The following NTM variants were observed in gnomAD, a reference collection of about 807,000 sequenced individuals.
NTM encodes the protein IgLON family member 2.
In NTM, 13 loss-of-function variants were observed where a neutral mutation model predicts 42.1. That is an observed-to-expected ratio of 0.31 (90% CI 0.20 to 0.49). NTM has a LOEUF of 0.49. Ranked by LOEUF, NTM falls within the 20% of genes least tolerant of loss-of-function variation. NTM has a pLI of 0.99. For missense variants in NTM, 373 were observed against 452.8 expected, an observed-to-expected ratio of 0.82 and a Z score of 1.60; for synonymous variants, 187 against 179.2, an observed-to-expected ratio of 1.04 and a Z score of -0.35.
intron 1 of NTM, among the ~76,000 whole-genome samples, chr11:131,674,973 C>T (rs1274659898): frequency 6.6e-6 from 1 of 152,166 alleles, no homozygotes; most frequent in Non-Finnish European, 1.5e-5. Context: ...AGATGGATTC[C>T]AAAGTCCCAT....
intron 1 of NTM, 85 bp downstream of exon 1, chr11:131,370,973 C>T: frequency 6.3e-7 from 1 of 1,577,288 alleles, no homozygotes; most frequent in African/African-American, 1.4e-5. Context: ...CCCGAGTCGG[C>T]TGTGCTGCGC....
intron 4 of NTM, among the ~76,000 whole-genome samples, chr11:132,248,053 G>T (rs2091429803): frequency 6.6e-6 from 1 of 152,144 alleles, no homozygotes; most frequent in Non-Finnish European, 1.5e-5. Flanking sequence ...GGGAGAAAAT[G>T]GAGAAATTAG....
Position 131,789,441 on chromosome 11 carries a change from A to G in NTM, c.83-122123A>G, listed in dbSNP as rs1352931942. Among the ~76,000 whole-genome samples the G allele has an allele frequency of 1.0e-3, 10 of 9,866 alleles. 1 individual carries two copies. The highest frequency in any genetic ancestry group is 3.1e-3 in the African/African-American group (8 of 2,576). The allele number at this position is 9,866 out of a possible 152,430, so 6.5% of individuals were successfully genotyped here. On this transcript the variant is annotated intron_variant, in intron 1 of 8. Transcript: ENST00000683400. ...AAAAAAAGAAGAAGGAAGAAGAAGA[A>G]GAAGAAGAAGAAGAAGAAGAAGAAG...
At chr11:131,589,089 G>T (rs2059131880) in intron 1 of NTM, among the ~76,000 whole-genome samples, 1 of 152,034 alleles carries the variant, frequency 6.6e-6, no homozygotes, top group Admixed American at 6.5e-5. Context: ...GAGAAGACAG[G>T]TGGCATGATA....
intron 3 of NTM, among the ~76,000 whole-genome samples, chr11:132,187,214 CGTGTGTGTGTGTGTGTGTGT>C (rs55849086): frequency 6.7e-6 from 1 of 148,344 alleles, no homozygotes; most frequent in African/African-American, 2.5e-5. Flanking sequence ...GCTCAGATGG[CGTGTGTGTGTGTGTGTGTGT>C]GTGTGTGTGT....
chr11:132,031,299 C>G (rs2075885791), intron 2 of NTM, among the ~76,000 whole-genome samples: 1 of 152,176 alleles, frequency 6.6e-6, no homozygotes, highest in South Asian at 2.1e-4. Context: ...ATTGATCTGA[C>G]AAGTGACTTG....
At chr11:131,767,638 A>G (rs765007347) in intron 1 of NTM, among the ~76,000 whole-genome samples, 9 of 152,134 alleles carry the variant, frequency 5.9e-5, no homozygotes, top group Admixed American at 1.3e-4. Context: ...CAAACCAGGA[A>G]ATGAGTCCTC....
intron 1 of NTM, among the ~76,000 whole-genome samples, chr11:131,572,341 A>G (rs1592089626): frequency 6.6e-6 from 1 of 152,112 alleles, no homozygotes; most frequent in Non-Finnish European, 1.5e-5. Context: ...ACAGAGAACA[A>G]TTTAAGATAT....
intron 1 of NTM, among the ~76,000 whole-genome samples, chr11:131,832,833 T>C (rs866627300): frequency 2.0e-5 from 3 of 152,236 alleles, no homozygotes; most frequent in Non-Finnish European, 4.4e-5. Flanking sequence ...TAAATATATA[T>C]ATAGACAAGG....
chr11:131,921,226 T>C (rs2057176725), intron 2 of NTM, among the ~76,000 whole-genome samples: 1 of 152,194 alleles, frequency 6.6e-6, no homozygotes, highest in African/African-American at 2.4e-5. Context: ...CAGATGTAAT[T>C]AGCTAAGGTG....
chr11:131,707,994 G>T (rs1592646997), intron 1 of NTM, among the ~76,000 whole-genome samples: 1 of 152,064 alleles, frequency 6.6e-6, no homozygotes, highest in Non-Finnish European at 1.5e-5. Context: ...TGTATTGAAG[G>T]GATCTTACAC....
intron 1 of NTM, among the ~76,000 whole-genome samples, chr11:131,638,297 T>C (rs2134195521): frequency 6.6e-6 from 1 of 152,274 alleles, no homozygotes; most frequent in South Asian, 2.1e-4. Flanking sequence ...CAGGGTGTGG[T>C]GGCTCATGTC....
chr11:132,139,838 A>G (rs945542138), intron 2 of NTM, among the ~76,000 whole-genome samples: 1 of 152,292 alleles, frequency 6.6e-6, no homozygotes, highest in Admixed American at 6.5e-5. Context: ...TAATCAGTGG[A>G]CAGATATTTA....
intron 3 of NTM, among the ~76,000 whole-genome samples, chr11:132,197,010 T>A (rs969549209): frequency 6.6e-6 from 1 of 151,942 alleles, no homozygotes; most frequent in African/African-American, 2.4e-5. Context: ...CAAAGGGAGG[T>A]TAAGGCTGAT....
chr11:131,885,276 C>G (rs879296681), intron 1 of NTM, among the ~76,000 whole-genome samples: 1 of 152,130 alleles, frequency 6.6e-6, no homozygotes, highest in Non-Finnish European at 1.5e-5. Flanking sequence ...GGGCTTCCAG[C>G]TGGAGAGGAA....
chr11:132,321,000 G>A lies in NTM; in HGVS notation c.934+6297G>A, dbSNP rs564938093. 9.3e-3 allele frequency among the ~76,000 whole-genome samples: 1,401 copies of A among 150,584 alleles called. 13 individuals carry two copies. Among genetic ancestry groups the A allele is most frequent in the Non-Finnish European group, 0.016 (1,064 of 67,832 alleles). The stretch of plus-strand genomic sequence containing the variant: ...AGAAGGAAAACTAACAAACAGAAAG[G>A]ACATCCACACCAAAAACCCATCTGT... On this transcript the variant is annotated intron_variant, in intron 7 of 8. Transcript: ENST00000683400.
intron 1 of NTM, among the ~76,000 whole-genome samples, chr11:131,825,136 A>G (rs958334553): frequency 6.6e-6 from 1 of 152,106 alleles, no homozygotes; most frequent in African/African-American, 2.4e-5. Context: ...TTGGGCAATC[A>G]TTAGTGTTCC....
chr11:132,142,067 G>A (rs753058353), intron 2 of NTM, among the ~76,000 whole-genome samples: 10 of 152,214 alleles, frequency 6.6e-5, no homozygotes, highest in Non-Finnish European at 1.3e-4. Context: ...CATATATGTG[G>A]CAGGATGGGC....
chr11:132,323,809 T>C (rs1241155480), intron 7 of NTM, among the ~76,000 whole-genome samples: 3 of 151,686 alleles, frequency 2.0e-5, no homozygotes, highest in Non-Finnish European at 4.4e-5. Flanking sequence ...CAGCAGCACA[T>C]CAAAAAGCTT....
Sources: gnomAD v4.1 joint callset for allele counts (sites outside exome capture counted in the v4.1 genomes callset) on GRCh38, gnomAD v4.1.1 for gene constraint, MANE v1.5 for transcripts, NCBI Gene and HGNC (gene_info 2026-07-23, HGNC 2026-07-21) for gene names.